Variants in HTT observed in about 807,000 individuals in gnomAD.
The protein encoded by HTT is huntingtin.
A neutral mutation model predicts 362.3 loss-of-function variants in HTT; 104 were observed. The observed-to-expected ratio is 0.29, with a 90% CI of 0.24 to 0.34. The LOEUF (loss-of-function observed/expected upper bound fraction) is 0.34. Ranked by LOEUF, HTT falls within the 10% of genes least tolerant of loss-of-function variation. The pLI is 1.00. For synonymous variants in HTT, 1,577 were observed against 1,548.7 expected (o/e 1.02, Z -0.43); for missense variants, 3,301 against 3,928.6 (o/e 0.84, Z 4.27).
At chr4:3,127,120 C>T (rs1395602852) in intron 11 of HTT, 144 bp from the exon 12 acceptor site, 3 of 643,154 alleles carry the variant, frequency 4.7e-6, no homozygotes, top group Non-Finnish European at 8.4e-6. Flanking sequence ...GGATGCACTG[C>T]TGTCCTGCAT....
chr4:3,215,534 G>A (rs1216079896), intron 51 of HTT, among the ~76,000 whole-genome samples: 1 of 152,180 alleles, frequency 6.6e-6, no homozygotes, highest in Non-Finnish European at 1.5e-5. Flanking sequence ...GCAGGGAACA[G>A]GTTTGTCTTC....
intron 65 of HTT, 86 bp from the exon 66 acceptor site, chr4:3,238,732 C>T: frequency 1.2e-6 from 1 of 850,910 alleles, no homozygotes; most frequent in Non-Finnish European, 1.8e-6. Context: ...TGCCTCTGGC[C>T]CCCACCCCAC....
intron 61 of HTT, among the ~76,000 whole-genome samples, chr4:3,234,026 A>G (rs558071288): frequency 4.6e-5 from 7 of 152,316 alleles, no homozygotes; most frequent in African/African-American, 1.7e-4. Context: ...AGCCACCCAC[A>G]TGGGGGAGTT....
chr4:3,230,323 C>G (rs1256401893), intron 60 of HTT, among the ~76,000 whole-genome samples: 1 of 152,150 alleles, frequency 6.6e-6, no homozygotes, highest in Non-Finnish European at 1.5e-5. Flanking sequence ...GTAGCCCATC[C>G]CCACAGAACC....
At chr4:3,112,096 T>C (rs1042798108) in intron 6 of HTT, among the ~76,000 whole-genome samples, 7 of 152,218 alleles carry the variant, frequency 4.6e-5, no homozygotes, top group African/African-American at 1.4e-4. Flanking sequence ...TTCTGTTCTT[T>C]CTGTTCGTGT....
At chr4:3,225,931 A>G (rs1045483908) in intron 57 of HTT, among the ~76,000 whole-genome samples, 188 bp downstream of exon 57, 3 of 152,058 alleles carry the variant, frequency 2.0e-5, no homozygotes, top group Admixed American at 6.6e-5. Context: ...CAGAGGAAGC[A>G]TTAGTTTTGT....
intron 46 of HTT, among the ~76,000 whole-genome samples, chr4:3,209,161 C>A (rs1720014196): frequency 6.6e-6 from 1 of 152,178 alleles, no homozygotes; most frequent in African/African-American, 2.4e-5. Flanking sequence ...GAATAGTCGG[C>A]CGTGGCCTGC....
chr4:3,134,514 G>A lies in HTT; in HGVS notation c.2607G>A (p.Leu869=), dbSNP rs539073497. The A allele has an allele frequency of 7.4e-6, 12 of 1,613,962 alleles. No homozygotes were observed. The highest frequency in any genetic ancestry group is 2.7e-5 in the African/African-American group (2 of 75,018). ...ATTGGCTGGTGAGGACAGAGCTTCTGGAAACCCTTGCAGAGATTGACTTCA... is the reference window on the plus strand; with the variant it reads ...ATTGGCTGGTGAGGACAGAGCTTCTAGAAACCCTTGCAGAGATTGACTTCA... ...SSYWLVRTEL[L]ETLAEIDFRL... Residue 869 remains leucine, a synonymous_variant, in exon 19 of 67, where the codon CTG becomes CTA. Transcript: ENST00000355072.
At chr4:3,154,226 C>G in intron 26 of HTT, 67 bp from the exon 27 acceptor site, 1 of 1,278,588 alleles carries the variant, frequency 7.8e-7, no homozygotes, top group South Asian at 1.4e-5. Flanking sequence ...TTCTAATTTT[C>G]AGTTTTGTTA....
At chr4:3,103,984 A>G in intron 4 of HTT, 101 bp downstream of exon 4, 1 of 712,670 alleles carries the variant, frequency 1.4e-6, no homozygotes, top group Non-Finnish European at 2.4e-6. Context: ...TATGGGGTAC[A>G]TGAGATATTT....
chr4:3,157,284 G>A, intron 28 of HTT, 85 bp downstream of exon 28: 1 of 1,276,844 alleles, frequency 7.8e-7, no homozygotes, highest in Non-Finnish European at 1.1e-6. Flanking sequence ...ATGATTTGTA[G>A]GATGTATAAG....
chr4:3,233,046 T>G, intron 60 of HTT, 117 bp from the exon 61 acceptor site: 1 of 802,160 alleles, frequency 1.2e-6, no homozygotes, highest in Non-Finnish European at 2.0e-6. Flanking sequence ...TCCGGCCTGC[T>G]GTGTAGTCTC....
intron 35 of HTT, among the ~76,000 whole-genome samples, chr4:3,179,797 C>T (rs1352714108): frequency 7.6e-6 from 1 of 131,516 alleles, no homozygotes; most frequent in Non-Finnish European, 1.6e-5. Flanking sequence ...TCAGAGTGTG[C>T]CTCTGTGTGT....
rs748480586 is a variant in HTT at position 3,204,086 on chromosome 4, C to T, written c.5656C>T (p.Leu1886Phe). Residue 1886 changes from leucine (L) to phenylalanine (F), a missense_variant, in exon 42 of 67, where the codon CTT becomes TTT. Coordinates refer to ENST00000355072, the MANE Select transcript of HTT (RefSeq NM_001388492.1). ...EEEDSDLAAK[L>F]GMCNREIVRR... ...GGAGGATTCTGACTTGGCAGCCAAA[C>T]TTGGAATGTGCAATAGAGAAATAGT... 4 of 1,614,012 alleles carry T rather than the reference C, an allele frequency of 2.5e-6. No homozygotes were observed. The East Asian group carries it at 8.9e-5, about 36-fold the overall frequency.
chr4:3,160,241 C>T, intron 28 of HTT, 41 bp from the exon 29 acceptor site: 1 of 1,275,062 alleles, frequency 7.8e-7, no homozygotes, highest in Non-Finnish European at 1.1e-6. Flanking sequence ...GAGATCGTGA[C>T]AGGGCCAGTA....
chr4:3,161,723 T>C (rs1717458071), intron 29 of HTT, among the ~76,000 whole-genome samples: 1 of 152,238 alleles, frequency 6.6e-6, no homozygotes, highest in African/African-American at 2.4e-5. Flanking sequence ...ATGTCTTCTT[T>C]TGCGAAGTGT....
At chr4:3,165,209 G>A (rs10022620) in intron 29 of HTT, among the ~76,000 whole-genome samples, 26,530 of 152,146 alleles carry the variant, frequency 0.17, 3,426 homozygotes, top group African/African-American at 0.37. Context: ...GAAATTCTGG[G>A]TTGAAAATAC....
At position 3,107,429 on chromosome 4, in the gene HTT, A is replaced by G; in HGVS notation, c.747+6A>G. 6.2e-7 allele frequency: 1 copy of G among 1,614,040 alleles called. No homozygotes were observed. The highest frequency in any genetic ancestry group is 8.5e-7 in the Non-Finnish European group (1 of 1,179,948). On this transcript the variant is annotated splice_donor_region_variant and intron_variant, in intron 6 of 66. Coordinates refer to ENST00000355072, the MANE Select transcript of HTT (RefSeq NM_001388492.1). ...CAAATGACAATGAAATTAAGGTATG[A>G]TTGTTGCCTCAGGTCACAAACATGC...
At chr4:3,104,012 A>C in intron 4 of HTT, 129 bp downstream of exon 4, 1 of 600,206 alleles carries the variant, frequency 1.7e-6, no homozygotes, top group Non-Finnish European at 2.9e-6. Context: ...GGTATACAAT[A>C]CATAATAATC....
Sources: gnomAD v4.1 joint callset for allele counts (sites outside exome capture counted in the v4.1 genomes callset) on GRCh38, gnomAD v4.1.1 for gene constraint, MANE v1.5 for transcripts, NCBI Gene and HGNC (gene_info 2026-07-23, HGNC 2026-07-21) for gene names.